FGD2: variants seen among roughly 807,000 people sequenced by gnomAD.
FGD2 encodes FYVE, RhoGEF and PH domain-containing protein 2.
In FGD2, 52 loss-of-function variants were observed where a neutral mutation model predicts 75.9. That is an observed-to-expected ratio of 0.69 (90% CI 0.55 to 0.86). FGD2 has a LOEUF of 0.86. Among genes scored for constraint, FGD2 ranks in the 40% least tolerant of loss-of-function variants. The pLI, the probability that FGD2 is intolerant of heterozygous loss-of-function variation, is 0.00. For missense variants in FGD2, 790 were observed against 872.0 expected, an observed-to-expected ratio of 0.91 and a Z score of 1.18; for synonymous variants, 347 against 348.6, an observed-to-expected ratio of 1.00 and a Z score of 0.05.
rs13211079 is a variant in FGD2 at position 37,009,573 on chromosome 6, C to G, written c.300+508C>G. On this transcript the variant is annotated intron_variant, in intron 2 of 15. Coordinates refer to ENST00000274963, the MANE Select transcript of FGD2 (RefSeq NM_173558.4). ...ACTGTGCACCCAAATTCCCTGGAGT[C>G]ACATCCCAGCACGTCTGCTTACTAA... is the stretch of plus-strand genomic sequence containing the variant. The G allele has an allele frequency of 9.1e-3, 1,395 of 152,860 alleles. 17 individuals carry two copies. Among genetic ancestry groups the G allele is most frequent in the Non-Finnish European group, 0.014 (944 of 68,452 alleles). The allele number at this position is 152,860 out of a possible 1,614,324, so 9.5% of individuals were successfully genotyped here. A position where few individuals can be genotyped will look rare whatever the true frequency, so the allele number is the denominator to read the frequency against.
chr6:37,006,178 G>A (rs977554715), intron 1 of FGD2, among the ~76,000 whole-genome samples: 5 of 152,230 alleles, frequency 3.3e-5, no homozygotes, highest in Non-Finnish European at 7.3e-5. Flanking sequence ...GTGCCTGCCA[G>A]CACCTCTCAG....
At chr6:37,014,225 T>C in intron 6 of FGD2, 125 bp downstream of exon 6, 2 of 1,172,272 alleles carry the variant, frequency 1.7e-6, no homozygotes, top group Non-Finnish European at 1.2e-6. Context: ...TGGCACTTCA[T>C]AGACATCATC....
chr6:37,023,949 A>G (rs1765703321), intron 13 of FGD2: 1 of 152,258 alleles, frequency 6.6e-6, no homozygotes, highest in Non-Finnish European at 1.5e-5. Flanking sequence ...AATTAAATGT[A>G]TGATCCTTGC....
At chr6:37,016,582 G>A (rs1243353216) in intron 9 of FGD2, among the ~76,000 whole-genome samples, 1 of 150,956 alleles carries the variant, frequency 6.6e-6, no homozygotes, top group African/African-American at 2.4e-5. Context: ...TGCCCAGGCT[G>A]GAGTGCAACA....
chr6:37,022,434 CAGGCCTCCACCTTTCCTACCT>C, intron 13 of FGD2, 64 bp downstream of exon 13: 1 of 1,498,236 alleles, frequency 6.7e-7, no homozygotes, highest in Non-Finnish European at 8.9e-7. Flanking sequence ...CTGCATCACC[CAGGCCTCCACCTTTCCTACCT>C]AGGCCTCCGC....
chr6:37,012,146 T>G (rs1478135848), intron 4 of FGD2: 3 of 323,642 alleles, frequency 9.3e-6, no homozygotes, highest in African/African-American at 6.5e-5. Flanking sequence ...GAGGGCTTCC[T>G]ACACGCCTGG....
intron 14 of FGD2, 48 bp from the exon 15 acceptor site, chr6:37,027,381 G>T (rs769746035): frequency 1.3e-6 from 2 of 1,564,022 alleles, no homozygotes; most frequent in African/African-American, 1.4e-5. Context: ...CCAACATCTG[G>T]CACTTGCGGC....
At position 37,028,500 on chromosome 6, in the gene FGD2, TA is replaced by T. The variant is rs1193693711; in HGVS notation, c.*340del. On this transcript the variant is annotated 3_prime_UTR_variant, in exon 16 of 16. Transcript: ENST00000274963. Reference sequence around the variant, plus strand: ...TCATTTGTATCTCCTGGGGAGCTTTTAAAGAGTACTGGTGAAAAACACATAG... The same window carrying T: ...TCATTTGTATCTCCTGGGGAGCTTTTAAGAGTACTGGTGAAAAACACATAG... 6.8e-6 allele frequency: 2 copies of T among 294,164 alleles called. No homozygotes were observed. Among genetic ancestry groups the T allele is most frequent in the East Asian group, 1.1e-4 (2 of 17,896 alleles). 18.2% of individuals were successfully genotyped at this position (294,164 alleles called of 1,614,324 possible). A position where few individuals can be genotyped will look rare whatever the true frequency, so the allele number is the denominator to read the frequency against.
At chr6:37,011,272 G>C (rs1764992362) in intron 3 of FGD2, 1 of 597,636 alleles carries the variant, frequency 1.7e-6, no homozygotes, top group East Asian at 2.8e-5. Flanking sequence ...GCTGGCCCCT[G>C]TATAGCAGAG....
At chr6:37,026,059 C>T in intron 14 of FGD2, 121 bp downstream of exon 14, 3 of 1,475,570 alleles carry the variant, frequency 2.0e-6, no homozygotes, top group African/African-American at 1.4e-5. Flanking sequence ...TCACACCCTC[C>T]CCCCTCTCCC....
At position 37,005,742 on chromosome 6, in the gene FGD2, C is replaced by T. The variant is rs747165294; in HGVS notation, c.-76C>T. ...ATTTAGCCTATCTGTCCCAGGCCAG[C>T]GTGGCTGAGTGTGCTGGCTGGAGGC... is the stretch of plus-strand genomic sequence containing the variant. On this transcript the variant is annotated 5_prime_UTR_variant, in exon 1 of 16. Coordinates refer to ENST00000274963, the MANE Select transcript of FGD2 (RefSeq NM_173558.4). 5.4e-6 allele frequency: 8 copies of T among 1,495,028 alleles called. No individual in the cohort carries two copies. Among genetic ancestry groups the T allele is most frequent in the African/African-American group, 2.7e-5 (2 of 72,750 alleles). The allele number at this position is 1,495,028 out of a possible 1,614,324, so 92.6% of individuals were successfully genotyped here.
intron 14 of FGD2, 43 bp downstream of exon 14, chr6:37,025,981 A>G: frequency 6.2e-7 from 1 of 1,606,726 alleles, no homozygotes; most frequent in Non-Finnish European, 8.5e-7. Context: ...TCCTCTGTTC[A>G]GGGAATGTGT....
At chr6:37,025,502 G>T (rs534326265) in intron 13 of FGD2, 2 of 434,632 alleles carry the variant, frequency 4.6e-6, no homozygotes, top group Non-Finnish European at 8.5e-6. Context: ...GCCCTCACTC[G>T]GAGGGAACCT....
chr6:37,013,465 A>T, intron 4 of FGD2, 144 bp from the exon 5 acceptor site: 3 of 1,440,042 alleles, frequency 2.1e-6, no homozygotes, highest in Non-Finnish European at 2.7e-6. Context: ...GCATGTGAGG[A>T]TGACACCCCC....
At chr6:37,015,390 G>A (rs945552041) in intron 8 of FGD2, among the ~76,000 whole-genome samples, 8 of 152,188 alleles carry the variant, frequency 5.3e-5, no homozygotes, top group East Asian at 1.9e-4. Flanking sequence ...GGGTTTGCAC[G>A]GAAGAAGCCG....
chr6:37,019,719 C>T (rs1296269469), intron 9 of FGD2, among the ~76,000 whole-genome samples: 1 of 152,164 alleles, frequency 6.6e-6, no homozygotes, highest in Admixed American at 6.5e-5. Context: ...TCTTTTGCCC[C>T]TTAGGTGCTG....
In FGD2 at chr6:37,022,345, G is replaced by A. The variant is rs145920571; in HGVS notation, c.1433G>A (p.Arg478His). The change falls in exon 13 of 16, where the codon CGC becomes CAC. Residue 478 changes from arginine (R) to histidine (H), a missense_variant. Coordinates refer to ENST00000274963, the MANE Select transcript of FGD2 (RefSeq NM_173558.4). ...QEPFNALTRR[R>H]HHCRACGYVV... is the part of the protein sequence containing the mutation. ...CCCTTCAACGCTCTGACGCGCCGTC[G>A]CCACCACTGCCGGGCCTGCGGCTAT... The A allele has an allele frequency of 6.9e-6, 11 of 1,586,512 alleles. No homozygotes were observed. The highest frequency in any genetic ancestry group is 2.4e-5 in the East Asian group (1 of 42,350).
intron 6 of FGD2, 111 bp from the exon 7 acceptor site, chr6:37,014,535 G>T (rs1583302735): frequency 8.2e-7 from 1 of 1,222,146 alleles, no homozygotes; most frequent in Non-Finnish European, 1.1e-6. Flanking sequence ...GGCTGCTCCT[G>T]GGGGCTGTCA....
intron 6 of FGD2, chr6:37,014,377 ATTATACCCTCTAGGTC>A: frequency 1.6e-6 from 1 of 614,932 alleles, no homozygotes; most frequent in Non-Finnish European, 2.8e-6. Flanking sequence ...TGCTCCTTCC[ATTATACCCTCTAGGTC>A]TGGCTTGTTT....
Sources: gnomAD v4.1 joint callset for allele counts (sites outside exome capture counted in the v4.1 genomes callset) on GRCh38, gnomAD v4.1.1 for gene constraint, MANE v1.5 for transcripts, NCBI Gene and HGNC (gene_info 2026-07-23, HGNC 2026-07-21) for gene names.